SFXN5: variants seen among roughly 807,000 people sequenced by gnomAD.
SFXN5 encodes sideroflexin 5, also known as sideroflexin-5.
In SFXN5, 43 loss-of-function variants were observed where a neutral mutation model predicts 50.2. That is an observed-to-expected ratio of 0.86 (90% CI 0.67 to 1.11). The LOEUF is 1.11. SFXN5 is among the 50% of genes least tolerant of loss of function. SFXN5 has a pLI of 0.00. For missense variants in SFXN5, 463 were observed against 454.1 expected (o/e 1.02, Z -0.18); for synonymous variants, 203 against 185.8 (o/e 1.09, Z -0.75).
At chr2:72,970,257 C>A (rs1466634965) in intron 11 of SFXN5, among the ~76,000 whole-genome samples, 1 of 152,198 alleles carries the variant, frequency 6.6e-6, no homozygotes, top group Non-Finnish European at 1.5e-5. Flanking sequence ...CTCCCAGGAA[C>A]CTGGGCTCTT....
At chr2:73,066,340 C>G (rs1683176960) in intron 1 of SFXN5, among the ~76,000 whole-genome samples, 1 of 151,190 alleles carries the variant, frequency 6.6e-6, no homozygotes, top group Non-Finnish European at 1.5e-5. Flanking sequence ...GGTGGATCAC[C>G]TGAGGTCAGG....
chr2:73,068,498 C>T (rs1335450283), intron 1 of SFXN5, among the ~76,000 whole-genome samples: 1 of 152,098 alleles, frequency 6.6e-6, no homozygotes, highest in African/African-American at 2.4e-5. Context: ...AACATGACAC[C>T]ACTTGCAATT....
chr2:72,967,290 C>CA (rs1212842842), intron 12 of SFXN5: 1 of 152,114 alleles, frequency 6.6e-6, no homozygotes, highest in African/African-American at 2.4e-5. Context: ...GGGCAGTGAA[C>CA]AAAAGGATGG....
At chr2:72,981,786 A>G (rs1234011092) in intron 10 of SFXN5, among the ~76,000 whole-genome samples, 1 of 152,160 alleles carries the variant, frequency 6.6e-6, no homozygotes, top group Non-Finnish European at 1.5e-5. Context: ...CCACGCCCAC[A>G]TATTCCTTTG....
intron 1 of SFXN5, chr2:73,070,549 GTC>G (rs1193621889): frequency 6.6e-6 from 1 of 152,344 alleles, no homozygotes; most frequent in Non-Finnish European, 1.5e-5. Flanking sequence ...CACTTCAGCG[GTC>G]TCTCTGCCTG....
intron 9 of SFXN5, among the ~76,000 whole-genome samples, chr2:72,995,437 C>G (rs981601565): frequency 6.6e-6 from 1 of 152,188 alleles, no homozygotes; most frequent in East Asian, 1.9e-4. Flanking sequence ...GGAGTCTTCA[C>G]TTGGGGGCAT....
chr2:73,023,324 C>T (rs771237024), intron 3 of SFXN5, 110 bp from the exon 4 acceptor site: 7 of 1,136,178 alleles, frequency 6.2e-6, no homozygotes, highest in Non-Finnish European at 7.5e-6. Context: ...TCCGAAAGCC[C>T]GAAAGAAGCT....
In SFXN5 at chr2:72,971,696, A is replaced by G. The variant is rs759458449; in HGVS notation, c.626-11T>C. On this transcript the variant is annotated splice_polypyrimidine_tract_variant and intron_variant, in intron 10 of 13. Transcript: ENST00000272433. The stretch of plus-strand genomic sequence containing the variant: ...AGATATTGGCACTGGCTGCAGAGAG[A>G]GGGGATGCAGAGAGCAGGATGAGGA... 1 of 1,601,898 alleles carries G rather than the reference A, an allele frequency of 6.2e-7. No homozygotes were observed. The highest frequency in any genetic ancestry group is 1.1e-5 in the South Asian group (1 of 90,772).
chr2:73,070,130 C>T (rs1428569865), intron 1 of SFXN5, among the ~76,000 whole-genome samples: 3 of 152,162 alleles, frequency 2.0e-5, no homozygotes, highest in Non-Finnish European at 2.9e-5. Context: ...CCGACTGAGC[C>T]TTTAAGAACG....
chr2:73,040,877 G>A lies in SFXN5; in HGVS notation c.226C>T (p.Arg76Cys), dbSNP rs372326606. ...LLEDYKHGTL[R>C]PGVTNEQLWS... The stretch of plus-strand genomic sequence containing the variant: ...ACCTGTTCATTGGTGACCCCCGGGC[G>A]CAGGGTCCCATGCTTATAGTCCTCC... Residue 76 changes from arginine (R) to cysteine (C), a missense_variant, in exon 3 of 14, where the codon CGC (arginine) becomes TGC (cysteine). Transcript: ENST00000272433. 2.5e-5 allele frequency: 41 copies of A among 1,612,176 alleles called. No individual in the cohort carries two copies. Among genetic ancestry groups the A allele is most frequent in the African/African-American group, 1.6e-4 (12 of 74,890 alleles).
At chr2:73,042,592 G>C (rs1679794334) in intron 2 of SFXN5, 1 of 152,050 alleles carries the variant, frequency 6.6e-6, no homozygotes, top group African/African-American at 2.4e-5. Flanking sequence ...CAGCCTGCAA[G>C]ACAGAGCAAG....
chr2:73,059,213 C>A, intron 1 of SFXN5: 1 of 985,772 alleles, frequency 1.0e-6, no homozygotes, highest in Non-Finnish European at 1.2e-6. Flanking sequence ...ATGCTAAGCG[C>A]AGCCACAGGC....
intron 3 of SFXN5, among the ~76,000 whole-genome samples, chr2:73,031,504 G>A (rs188581178): frequency 7.2e-5 from 11 of 152,356 alleles, no homozygotes; most frequent in African/African-American, 2.2e-4. Flanking sequence ...TTTGGGGATC[G>A]TTTTGTTACA....
rs1670007498 is a variant in SFXN5, at chr2:72,971,657, C to G, written c.654G>C (p.Leu218=). The G allele has an allele frequency of 1.9e-6, 3 of 1,614,030 alleles. No homozygotes were observed. The highest frequency in any genetic ancestry group is 2.5e-6 in the Non-Finnish European group (3 of 1,179,936). The change falls in exon 11 of 14, where the codon CTG becomes CTC. Residue 218 remains leucine, a synonymous_variant. Coordinates refer to ENST00000272433, the MANE Select transcript of SFXN5 (RefSeq NM_144579.3). ...CTTCCTCCAGCTCCCCGTACCGCATCAGGACCACATTGCAGATATTGGCAC... is the reference window on the plus strand; with the variant it reads ...CTTCCTCCAGCTCCCCGTACCGCATGAGGACCACATTGCAGATATTGGCAC... ...VASANICNVV[L]MRYGELEEGI... is the part of the protein sequence containing the mutation.
intron 2 of SFXN5, among the ~76,000 whole-genome samples, chr2:73,042,945 G>A (rs925314854): frequency 6.6e-6 from 1 of 152,136 alleles, no homozygotes; most frequent in Non-Finnish European, 1.5e-5. Flanking sequence ...GTGGGTGCCT[G>A]TAGTCCCAGC....
intron 2 of SFXN5, among the ~76,000 whole-genome samples, chr2:73,057,299 C>T (rs555613099): frequency 1.5e-4 from 23 of 152,186 alleles, no homozygotes; most frequent in East Asian, 9.7e-4. Flanking sequence ...CCACCACACT[C>T]GGATAATTTT....
At chr2:73,003,061 G>C (rs1321748947) in intron 6 of SFXN5, among the ~76,000 whole-genome samples, 2 of 151,366 alleles carry the variant, frequency 1.3e-5, no homozygotes, top group Non-Finnish European at 2.9e-5. Context: ...AGTATCCCAG[G>C]AAACTGAGGA....
chr2:73,061,055 C>T (rs1682750478), intron 1 of SFXN5, among the ~76,000 whole-genome samples: 1 of 150,828 alleles, frequency 6.6e-6, no homozygotes, highest in Non-Finnish European at 1.5e-5. Context: ...GTGGCTCATG[C>T]CTGTAATCCC....
chr2:72,969,938 C>G (rs1033567028), intron 11 of SFXN5, among the ~76,000 whole-genome samples: 1 of 152,022 alleles, frequency 6.6e-6, no homozygotes, highest in African/African-American at 2.4e-5. Context: ...TTCTGAGCTC[C>G]GACAGCCACT....
Sources: gnomAD v4.1 joint callset for allele counts (sites outside exome capture counted in the v4.1 genomes callset) on GRCh38, gnomAD v4.1.1 for gene constraint, MANE v1.5 for transcripts, NCBI Gene and HGNC (gene_info 2026-07-23, HGNC 2026-07-21) for gene names.